Variants in ACAD10 observed in about 807,000 individuals in gnomAD.
The protein encoded by ACAD10 is ACAD-10.
Under a neutral mutation model 116.8 loss-of-function variants are expected in ACAD10, and 112 were observed. The observed-to-expected ratio is 0.96, with a 90% confidence interval of 0.82 to 1.12. ACAD10 has a LOEUF of 1.12. Among genes scored for constraint, ACAD10 ranks in the 50% most tolerant of loss-of-function variants. The pLI is 0.00. For missense variants in ACAD10, 1,259 were observed against 1,350.2 expected (o/e 0.93, Z 1.06); for synonymous variants, 486 against 510.6 (o/e 0.95, Z 0.65).
chr12:111,726,689 G>A (rs1220293636), intron 8 of ACAD10, among the ~76,000 whole-genome samples: 3 of 151,724 alleles, frequency 2.0e-5, no homozygotes, highest in Non-Finnish European at 2.9e-5. Context: ...GTGAAACACC[G>A]TCTCTACTAA....
In ACAD10 at chr12:111,727,963, G is replaced by A. The variant is rs767554445; in HGVS notation, c.1063G>A (p.Val355Ile). 3 of 1,608,236 alleles carry A rather than the reference G, an allele frequency of 1.9e-6. No individual in the cohort carries two copies. The highest frequency in any genetic ancestry group is 2.5e-6 in the Non-Finnish European group (3 of 1,177,776). The change falls in exon 9 of 21, where the codon GTC becomes ATC. Residue 355 changes from valine (V) to isoleucine (I), a missense_variant and splice_region_variant. Physicochemically the swap from Val to Ile is conservative, Grantham distance 29 (BLOSUM62 3). Transcript: ENST00000313698. ...NVLDLCEDSS[V>I]IGTPFYVMEY... ...AAACCCCTTCTGTGTTCCTCCCAGT[G>A]TCATTGGCACCCCCTTCTATGTGAT...
intron 7 of ACAD10, among the ~76,000 whole-genome samples, chr12:111,718,016 G>T (rs1005965471): frequency 7.5e-6 from 1 of 133,474 alleles, no homozygotes; most frequent in African/African-American, 2.9e-5. Flanking sequence ...TTTAATATAC[G>T]TAGGATCTAT....
intron 6 of ACAD10, among the ~76,000 whole-genome samples, chr12:111,712,959 G>A (rs1169567120): frequency 6.6e-6 from 1 of 152,198 alleles, no homozygotes; most frequent in African/African-American, 2.4e-5. Flanking sequence ...TGTGTGCTCA[G>A]AGGATTTTAC....
intron 1 of ACAD10, chr12:111,687,980 C>G (rs774944855): frequency 1.3e-5 from 2 of 152,128 alleles, no homozygotes; most frequent in Non-Finnish European, 2.9e-5. Context: ...AGCTTCCTGC[C>G]TCAGTCTCCC....
rs1890134446 is a variant in ACAD10 at position 111,753,763 on chromosome 12, T to G, written c.2818-9T>G. Reference sequence around the variant, plus strand: ...CATGTCCTCAGCCGCACATCTCCTGTGTCGACAGGTGAAGTCCCGCTTGGC... The same window carrying G: ...CATGTCCTCAGCCGCACATCTCCTGGGTCGACAGGTGAAGTCCCGCTTGGC... On this transcript the variant is annotated splice_polypyrimidine_tract_variant and intron_variant, in intron 18 of 20. Coordinates refer to ENST00000313698, the MANE Select transcript of ACAD10 (RefSeq NM_025247.6). 6.2e-7 allele frequency: 1 copy of G among 1,613,836 alleles called. No individual in the cohort carries two copies. The highest frequency in any genetic ancestry group is 2.2e-5 in the East Asian group (1 of 44,888).
intron 10 of ACAD10, 102 bp downstream of exon 10, chr12:111,730,058 T>C: frequency 6.9e-7 from 1 of 1,452,178 alleles, no homozygotes; most frequent in Admixed American, 2.2e-5. Context: ...GAATTATTCC[T>C]ATTACAAAGC....
intron 12 of ACAD10, among the ~76,000 whole-genome samples, chr12:111,742,323 G>A (rs1889767413): frequency 6.6e-6 from 1 of 152,126 alleles, no homozygotes; most frequent in Non-Finnish European, 1.5e-5. Context: ...CCTTCAATGT[G>A]CTGTGTGCAG....
chr12:111,748,174 G>A (rs1194014452), intron 16 of ACAD10, 143 bp from the exon 17 acceptor site: 1 of 1,022,688 alleles, frequency 9.8e-7, no homozygotes, highest in African/African-American at 1.6e-5. Context: ...TCAGCAGTCT[G>A]CAGATGCTCA....
At chr12:111,715,665 C>A in intron 6 of ACAD10, 156 bp from the exon 7 acceptor site, 1 of 938,090 alleles carries the variant, frequency 1.1e-6, no homozygotes, top group Non-Finnish European at 1.6e-6. Flanking sequence ...GGGACTCAGT[C>A]ACTCCTAGTA....
Position 111,715,848 on chromosome 12 carries a change from A to G in ACAD10, c.878A>G (p.His293Arg). The change falls in exon 7 of 21, where the codon CAC becomes CGC. Residue 293 changes from histidine (H) to arginine (R), a missense_variant. His to Arg is a conservative substitution (Grantham distance 29). Coordinates refer to ENST00000313698, the MANE Select transcript of ACAD10 (RefSeq NM_025247.6). ...CCATTGGAACTACTTCAGTTTGATC[A>G]CGGGCAGTCAAATCCAACTTACTAC... The part of the protein sequence containing the change: ...TGPLELLQFD[H>R]GQSNPTYYIR... The G allele has an allele frequency of 6.2e-7, 1 of 1,614,188 alleles. No individual in the cohort carries two copies. The highest frequency in any genetic ancestry group is 8.5e-7 in the Non-Finnish European group (1 of 1,180,034).
At chr12:111,728,297 A>G (rs1326123212) in intron 9 of ACAD10, among the ~76,000 whole-genome samples, 154 bp downstream of exon 9, 1 of 152,124 alleles carries the variant, frequency 6.6e-6, no homozygotes, top group East Asian at 1.9e-4. Flanking sequence ...GTTTTAATGG[A>G]GGTGTTGCTG....
chr12:111,705,859 C>T lies in ACAD10; in HGVS notation c.458C>T (p.Ala153Val). 2 of 1,614,180 alleles carry T rather than the reference C, an allele frequency of 1.2e-6. No individual in the cohort carries two copies. The highest frequency in any genetic ancestry group is 1.1e-5 in the South Asian group (1 of 91,084). The change falls in exon 4 of 21, where the codon GCA becomes GTA. Residue 153 changes from alanine to valine, a missense_variant. By Grantham distance (64) the Ala-to-Val change is moderately conservative (BLOSUM62 0). Transcript: ENST00000313698. ...ATTCGGGCAAAAGGTCTTCAGACTG[C>T]AGTCTTGAGCAATAATTTTTATCTT... ...TQIRAKGLQT[A>V]VLSNNFYLPN... is the part of the protein sequence containing the mutation.
At chr12:111,704,835 G>A (rs529202419) in intron 3 of ACAD10, among the ~76,000 whole-genome samples, 16 of 151,720 alleles carry the variant, frequency 1.1e-4, no homozygotes, top group African/African-American at 3.1e-4. Context: ...CTACAGGTGC[G>A]TGCCACCACG....
intron 1 of ACAD10, among the ~76,000 whole-genome samples, chr12:111,689,774 G>A (rs952976390): frequency 1.3e-5 from 2 of 150,650 alleles, no homozygotes; most frequent in Non-Finnish European, 3.0e-5. Context: ...GGAGTCCAGT[G>A]GCACCATCTC....
chr12:111,729,726 T>C, intron 9 of ACAD10, 80 bp from the exon 10 acceptor site: 1 of 1,537,392 alleles, frequency 6.5e-7, no homozygotes, highest in Non-Finnish European at 8.9e-7. Context: ...GACAAAGGGT[T>C]TCACTGCACT....
chr12:111,709,950 G>GAC (rs1475921351), intron 5 of ACAD10: 2 of 427,568 alleles, frequency 4.7e-6, no homozygotes, highest in Admixed American at 4.1e-5. Context: ...CCTTTGTGGG[G>GAC]GTGTTCACAC....
intron 6 of ACAD10, chr12:111,715,605 A>G: frequency 1.8e-6 from 1 of 546,608 alleles, no homozygotes; most frequent in Non-Finnish European, 3.2e-6. Flanking sequence ...GGCCTTTGAC[A>G]AACTGTAGTG....
intron 18 of ACAD10, chr12:111,753,310 C>T (rs1034366005): frequency 8.3e-6 from 3 of 359,698 alleles, no homozygotes; most frequent in Admixed American, 3.7e-5. Context: ...CTGAGGGGAC[C>T]TTGCTCCCAT....
chr12:111,746,647 CA>C (rs1889907207), intron 14 of ACAD10, among the ~76,000 whole-genome samples: 2 of 152,172 alleles, frequency 1.3e-5, no homozygotes, highest in Non-Finnish European at 2.9e-5. Flanking sequence ...CCTGGCCCCA[CA>C]AAGTGCTGGG....
Sources: gnomAD v4.1 joint callset for allele counts (sites outside exome capture counted in the v4.1 genomes callset) on GRCh38, gnomAD v4.1.1 for gene constraint, MANE v1.5 for transcripts, NCBI Gene and HGNC (gene_info 2026-07-23, HGNC 2026-07-21) for gene names.